The following NMNAT2 variants were observed in gnomAD, a reference collection of about 807,000 sequenced individuals.
NMNAT2 encodes the protein nicotinamide/nicotinic acid mononucleotide adenylyltransferase 2.
NMNAT2 carries 11 observed loss-of-function variants against 41.6 expected under a neutral mutation model. The ratio of observed to expected loss-of-function variants is 0.26; its 90% CI spans 0.17 to 0.44. The LOEUF (loss-of-function observed/expected upper bound fraction) is 0.44. Ranked by LOEUF, NMNAT2 falls within the 20% of genes least tolerant of loss-of-function variation. The probability of loss-of-function intolerance (pLI) is 1.00; values close to 1 mark genes in which losing one functional copy is unlikely to be tolerated. For missense variants in NMNAT2, 288 were observed against 407.7 expected (o/e 0.71, Z 2.53); for synonymous variants, 148 against 151.2 (o/e 0.98, Z 0.16).
chr1:183,375,431 C>T (rs1663655172), intron 1 of NMNAT2, among the ~76,000 whole-genome samples: 1 of 152,204 alleles, frequency 6.6e-6, no homozygotes, highest in South Asian at 2.1e-4. Flanking sequence ...CTGAGCCTGA[C>T]TTGCGCTTTC....
intron 5 of NMNAT2, 109 bp from the exon 6 acceptor site, chr1:183,284,899 CG>C: frequency 2.3e-6 from 2 of 857,124 alleles, no homozygotes; most frequent in South Asian, 1.4e-5. Context: ...GGTGCATGGA[CG>C]GGGCAGGAGT....
chr1:183,273,964 G>A (rs1380567935), intron 8 of NMNAT2, among the ~76,000 whole-genome samples: 2 of 151,174 alleles, frequency 1.3e-5, no homozygotes, highest in African/African-American at 4.9e-5. Context: ...TCAGGCTAGA[G>A]TGCAGTGGCA....
chr1:183,289,787 T>A (rs1416173376), intron 4 of NMNAT2, among the ~76,000 whole-genome samples: 1 of 152,170 alleles, frequency 6.6e-6, no homozygotes, highest in Non-Finnish European at 1.5e-5. Context: ...TCCCTCACTT[T>A]CTGAAGTCCT....
At chr1:183,404,561 C>A (rs967913902) in intron 1 of NMNAT2, among the ~76,000 whole-genome samples, 4 of 152,202 alleles carry the variant, frequency 2.6e-5, no homozygotes, top group Admixed American at 2.0e-4. Flanking sequence ...CTAACACAGA[C>A]ATTCGTGGCT....
rs144969166 is a variant in NMNAT2 at position 183,395,163 on chromosome 1, A to G, written c.85+23020T>C. ...GACTAGACAATGTGCTAAAAACTCC[A>G]TATGTGAAAGGATAGGCTATAACCT... On this transcript the variant is annotated intron_variant, in intron 1 of 10. Coordinates refer to ENST00000287713, the MANE Select transcript of NMNAT2 (RefSeq NM_015039.4). Among the ~76,000 whole-genome samples, 423 of 152,270 alleles carry G rather than the reference A, an allele frequency of 2.8e-3. 2 individuals carry two copies. The highest frequency in any genetic ancestry group is 9.2e-3 in the African/African-American group (383 of 41,560).
rs1403832980 is a variant in NMNAT2, at chr1:183,278,588, A to T, written c.616T>A (p.Ser206Thr). 6.2e-7 allele frequency: 1 copy of T among 1,613,846 alleles called. No individual in the cohort carries two copies. The highest frequency in any genetic ancestry group is 8.5e-7 in the Non-Finnish European group (1 of 1,179,836). ...LLLCGSDLLE[S>T]FCIPGLWNEA... ...TTCCAGAGCCCTGGGATGCAGAAGG[A>T]CTCCAGCAGGTCACTACCACACAGC... Residue 206 changes from serine (S) to threonine (T), a missense_variant, in exon 8 of 11, where the codon TCC (serine) becomes ACC (threonine). Coordinates refer to ENST00000287713, the MANE Select transcript of NMNAT2 (RefSeq NM_015039.4).
At chr1:183,339,123 A>G (rs1371978126) in intron 1 of NMNAT2, among the ~76,000 whole-genome samples, 1 of 151,882 alleles carries the variant, frequency 6.6e-6, no homozygotes, top group African/African-American at 2.4e-5. Flanking sequence ...TTTGAGATGG[A>G]GTCTCGCTCT....
rs150895794 is a variant in NMNAT2, at chr1:183,382,908, C to T, written c.85+35275G>A. Reference sequence around the variant, plus strand: ...CTGGAGGATGGTGGCTGTCTTCTCACAGCACCATTAGGCAATGCCCAAGTA... The same window carrying T: ...CTGGAGGATGGTGGCTGTCTTCTCATAGCACCATTAGGCAATGCCCAAGTA... On this transcript the variant is annotated intron_variant, in intron 1 of 10. Coordinates refer to ENST00000287713, the MANE Select transcript of NMNAT2 (RefSeq NM_015039.4). Among the ~76,000 whole-genome samples the T allele has an allele frequency of 2.3e-4, 35 of 152,284 alleles. No individual in the cohort carries two copies. In the East Asian group the frequency reaches 6.6e-3, roughly 29 times the overall value.
At chr1:183,413,243 G>A (rs1196328685) in intron 1 of NMNAT2, among the ~76,000 whole-genome samples, 2 of 152,200 alleles carry the variant, frequency 1.3e-5, no homozygotes, top group South Asian at 2.1e-4. Context: ...GATGTAAAGG[G>A]AGGAGGGAGC....
At chr1:183,304,925 C>G in intron 1 of NMNAT2, 1 of 1,366,620 alleles carries the variant, frequency 7.3e-7, no homozygotes, top group East Asian at 2.8e-5. Flanking sequence ...CCTTCCATAA[C>G]TGTCACTTCT....
chr1:183,391,914 G>A (rs1648494318), intron 1 of NMNAT2, among the ~76,000 whole-genome samples: 1 of 152,066 alleles, frequency 6.6e-6, no homozygotes, highest in Non-Finnish European at 1.5e-5. Flanking sequence ...TTCACTGTTA[G>A]CATTGCTGCC....
At chr1:183,271,148 A>G (rs903801044) in intron 8 of NMNAT2, among the ~76,000 whole-genome samples, 2 of 151,998 alleles carry the variant, frequency 1.3e-5, no homozygotes, top group African/African-American at 4.8e-5. Context: ...CCAAGTTTTT[A>G]CTCTTTTGGG....
At chr1:183,291,860 G>A (rs963379539) in intron 3 of NMNAT2, among the ~76,000 whole-genome samples, 2 of 152,106 alleles carry the variant, frequency 1.3e-5, no homozygotes, top group African/African-American at 4.8e-5. Context: ...TTATCTTTAG[G>A]GGGATAAGAA....
chr1:183,284,735 C>G lies in NMNAT2; in HGVS notation c.504G>C (p.Pro168=). Residue 168 remains proline (P), a synonymous_variant, in exon 6 of 11, where the codon CCG becomes CCC. Coordinates refer to ENST00000287713, the MANE Select transcript of NMNAT2 (RefSeq NM_015039.4). ...ESLSRICCVR[P]PVERFTFVDE... is the part of the protein sequence containing the mutation. ...CTACAAAGGTGAAACGCTCCACCGG[C>G]GGGCGGACACAGCAGATCCGGCTGA... 1 of 1,614,080 alleles carries G rather than the reference C, an allele frequency of 6.2e-7. No homozygotes were observed. Among genetic ancestry groups the G allele is most frequent in the Non-Finnish European group, 8.5e-7 (1 of 1,179,996 alleles).
rs552988315 is a variant in NMNAT2 at position 183,263,398 on chromosome 1, A to G, written c.652-2095T>C. Among the ~76,000 whole-genome samples the G allele has an allele frequency of 5.5e-4, 84 of 152,344 alleles. 1 individual carries two copies. The highest frequency in any genetic ancestry group is 3.5e-3 in the South Asian group (17 of 4,828). On this transcript the variant is annotated intron_variant, in intron 8 of 10. Coordinates refer to ENST00000287713, the MANE Select transcript of NMNAT2 (RefSeq NM_015039.4). ...GGAGTTAGAGCCAGCTCCTTCTGCC[A>G]TGGCATTTAGGATACTGCACTAGGA...
chr1:183,311,738 C>T (rs749875745), intron 1 of NMNAT2, among the ~76,000 whole-genome samples: 6,338 of 144,658 alleles, frequency 0.044, 192 homozygotes, highest in Non-Finnish European at 0.062. Flanking sequence ...CACACACACA[C>T]ACACACACAC....
chr1:183,286,984 G>C lies in NMNAT2; in HGVS notation c.322-196C>G, dbSNP rs187542825. On this transcript the variant is annotated intron_variant, in intron 4 of 10. Transcript: ENST00000287713. ...GAGCAGCTCAGTGGGAGAAGCATGA[G>C]ATGTGGTGTTATAATGGGTCCTGGG... Among the ~76,000 whole-genome samples the C allele has an allele frequency of 3.3e-5, 5 of 152,242 alleles. No homozygotes were observed. The East Asian group carries it at 9.7e-4, about 29-fold the overall frequency.
At chr1:183,303,347 T>C (rs1398542963) in intron 1 of NMNAT2, among the ~76,000 whole-genome samples, 1 of 152,218 alleles carries the variant, frequency 6.6e-6, no homozygotes, top group African/African-American at 2.4e-5. Flanking sequence ...TGCTCTGTGT[T>C]AGGCGCAGTG....
At chr1:183,325,606 T>C (rs879673904) in intron 1 of NMNAT2, among the ~76,000 whole-genome samples, 1 of 152,220 alleles carries the variant, frequency 6.6e-6, no homozygotes, top group Non-Finnish European at 1.5e-5. Flanking sequence ...TGACTTTAAA[T>C]AAAACTCCCT....
Sources: allele counts gnomAD v4.1 joint callset (sites outside exome capture counted in the v4.1 genomes callset), GRCh38; gene constraint gnomAD v4.1.1; transcripts MANE v1.5; gene names NCBI Gene and HGNC (gene_info 2026-07-23, HGNC 2026-07-21).